RIMS2: variants seen among roughly 807,000 people sequenced by gnomAD.
RIMS2 encodes the protein regulating synaptic membrane exocytosis protein 2.
Under a neutral mutation model 174.4 loss-of-function variants are expected in RIMS2, and 59 were observed. The ratio of observed to expected loss-of-function variants is 0.34; its 90% CI spans 0.27 to 0.42. The LOEUF is 0.42. Among genes scored for constraint, RIMS2 ranks in the 10% least tolerant of loss-of-function variants. The probability of loss-of-function intolerance (pLI) is 1.00; values close to 1 mark genes in which losing one functional copy is unlikely to be tolerated. For synonymous variants in RIMS2, 606 were observed against 572.5 expected (o/e 1.06, Z -0.84); for missense variants, 1,620 against 1,666.3 (o/e 0.97, Z 0.48).
intron 3 of RIMS2, among the ~76,000 whole-genome samples, chr8:103,861,848 G>A (rs1196602358): frequency 1.3e-5 from 2 of 151,566 alleles, no homozygotes; most frequent in African/African-American, 2.4e-5. Context: ...CTCTAGTTGA[G>A]GTATTTGAGT....
chr8:103,936,957 G>A (rs1027504494), intron 13 of RIMS2, among the ~76,000 whole-genome samples: 7 of 152,028 alleles, frequency 4.6e-5, no homozygotes, highest in African/African-American at 1.7e-4. Flanking sequence ...AATTAGCCGG[G>A]CATGGTGGTG....
chr8:103,808,400 T>C (rs1233143674), intron 3 of RIMS2, among the ~76,000 whole-genome samples: 1 of 152,136 alleles, frequency 6.6e-6, no homozygotes, highest in African/African-American at 2.4e-5. Flanking sequence ...GTGTTTTTCC[T>C]TTTAAATTTT....
At chr8:103,575,681 C>CATATATATAT (rs199658419) in intron 1 of RIMS2, among the ~76,000 whole-genome samples, 95 of 141,884 alleles carry the variant, frequency 6.7e-4, no homozygotes, top group East Asian at 5.4e-3. Flanking sequence ...TACACACACA[C>CATATATATAT]ACACATATAT....
chr8:103,873,159 C>G (rs1358154441), intron 3 of RIMS2, among the ~76,000 whole-genome samples: 1 of 152,098 alleles, frequency 6.6e-6, no homozygotes, highest in Admixed American at 6.6e-5. Flanking sequence ...GATGGAGCTG[C>G]TTTAAAATAA....
chr8:103,780,012 C>A (rs768063371), intron 3 of RIMS2, among the ~76,000 whole-genome samples: 1 of 151,906 alleles, frequency 6.6e-6, no homozygotes, highest in Non-Finnish European at 1.5e-5. Context: ...CAGTACCATA[C>A]TGATTTGGTT....
chr8:103,876,008 TC>T (rs2099134843), intron 3 of RIMS2, among the ~76,000 whole-genome samples: 1 of 152,024 alleles, frequency 6.6e-6, no homozygotes, highest in African/African-American at 2.4e-5. Context: ...TAGATATTCA[TC>T]CTTTGTTGCA....
chr8:103,989,450 TATTATTA>T (rs1361817902), intron 17 of RIMS2, 29 bp downstream of exon 19: 2 of 1,105,320 alleles, frequency 1.8e-6, no homozygotes, highest in Non-Finnish European at 2.7e-6. Flanking sequence ...TATTAGACCT[TATTATTA>T]ATATAATCAC....
chr8:104,015,116 G>A (rs1205453360), intron 19 of RIMS2, among the ~76,000 whole-genome samples: 1 of 152,106 alleles, frequency 6.6e-6, no homozygotes, highest in Non-Finnish European at 1.5e-5. Flanking sequence ...TGCATAAGAA[G>A]CACTATTTGC....
chr8:103,576,878 A>G (rs1423933930), intron 1 of RIMS2, among the ~76,000 whole-genome samples: 1 of 152,252 alleles, frequency 6.6e-6, no homozygotes, highest in Non-Finnish European at 1.5e-5. Context: ...CCATATTCAG[A>G]AAACTGAAAC....
chr8:103,864,368 GT>G (rs1229158715), intron 3 of RIMS2, among the ~76,000 whole-genome samples: 1 of 152,008 alleles, frequency 6.6e-6, no homozygotes, highest in Non-Finnish European at 1.5e-5. Context: ...GTTTTGGCAT[GT>G]TGTGTTTCTG....
At chr8:103,773,787 G>A (rs549039470) in intron 3 of RIMS2, among the ~76,000 whole-genome samples, 1 of 152,140 alleles carries the variant, frequency 6.6e-6, no homozygotes, top group South Asian at 2.1e-4. Flanking sequence ...GAAATCCTAC[G>A]ATTTAAAACA....
At chr8:104,165,048 A>G (rs1347830983) in intron 19 of RIMS2, among the ~76,000 whole-genome samples, 3 of 152,232 alleles carry the variant, frequency 2.0e-5, no homozygotes, top group African/African-American at 7.2e-5. Context: ...TTTTTAACCG[A>G]AATGGTAAAC....
chr8:103,660,869 C>T (rs112948390), intron 1 of RIMS2, among the ~76,000 whole-genome samples: 137 of 152,130 alleles, frequency 9.0e-4, no homozygotes, highest in African/African-American at 3.2e-3. Flanking sequence ...GTACTTATTG[C>T]TAAGTAATAT....
In RIMS2 at chr8:103,745,895, G is replaced by C. The variant is rs114851448; in HGVS notation, c.388-20332G>C. 2.1e-3 allele frequency among the ~76,000 whole-genome samples: 321 copies of C among 152,206 alleles called. 1 individual carries two copies. Among genetic ancestry groups the C allele is most frequent in the African/African-American group, 7.4e-3 (307 of 41,562 alleles). On this transcript the variant is annotated intron_variant, in intron 2 of 23. Transcript: ENST00000504942. Reference sequence around the variant, plus strand: ...ATTTGCAAATATTTTTTCTTATTCTGTGGGTTGTCTTTTCATTTTCTTGAA... The same window carrying C: ...ATTTGCAAATATTTTTTCTTATTCTCTGGGTTGTCTTTTCATTTTCTTGAA...
chr8:103,916,577 A>G, intron 8 of RIMS2, 40 bp downstream of exon 11: 1 of 1,529,586 alleles, frequency 6.5e-7, no homozygotes. Flanking sequence ...GTGAAGTTGA[A>G]TAGTGTTAAA....
chr8:103,747,075 CTTTT>C (rs35423526), intron 2 of RIMS2, among the ~76,000 whole-genome samples: 1 of 148,532 alleles, frequency 6.7e-6, no homozygotes, highest in African/African-American at 2.5e-5. Context: ...GATCTTCTTT[CTTTT>C]TTTTTTAATT....
chr8:103,907,643 C>G (rs1445460851), intron 4 of RIMS2, among the ~76,000 whole-genome samples: 3 of 151,936 alleles, frequency 2.0e-5, no homozygotes, highest in Admixed American at 1.3e-4. Flanking sequence ...CCCTCTATTT[C>G]TAAATGATCT....
chr8:103,971,473 T>C (rs1443228032), intron 15 of RIMS2, among the ~76,000 whole-genome samples: 1 of 152,134 alleles, frequency 6.6e-6, no homozygotes, highest in Non-Finnish European at 1.5e-5. Flanking sequence ...TTTCCACATA[T>C]TTAATATTTG....
rs1179413679 is a variant in RIMS2, at chr8:104,064,569, A to G, written c.3334+49954A>G. ...TTATGGAATTTAGGAGTATTTGTAT[A>G]TATACATATCAAAAAACAGAGGGCC... On this transcript the variant is annotated intron_variant, in intron 19 of 23. Coordinates refer to ENST00000504942, the Ensembl canonical transcript of RIMS2. Among the ~76,000 whole-genome samples, 8 of 152,216 alleles carry G rather than the reference A, an allele frequency of 5.3e-5. No homozygotes were observed. The East Asian group carries it at 1.5e-3, about 29-fold the overall frequency.
Sources: allele counts gnomAD v4.1 joint callset (sites outside exome capture counted in the v4.1 genomes callset), GRCh38; gene constraint gnomAD v4.1.1; transcripts MANE v1.5; gene names NCBI Gene and HGNC (gene_info 2026-07-23, HGNC 2026-07-21).